The following NALF1 variants were observed in gnomAD, a reference collection of about 807,000 sequenced individuals.
The protein encoded by NALF1 is family with sequence similarity 155 member A.
In NALF1, 3 loss-of-function variants were observed where a neutral mutation model predicts 48.4. The observed-to-expected ratio is 0.06, with a 90% CI of 0.03 to 0.16. The LOEUF is 0.16. NALF1 is among the 10% of genes least tolerant of loss of function. The pLI, the probability that NALF1 is intolerant of heterozygous loss-of-function variation, is 1.00. For synonymous variants in NALF1, 262 were observed against 245.7 expected (o/e 1.07, Z -0.62); for missense variants, 526 against 571.5 (o/e 0.92, Z 0.81).
chr13:107,602,202 C>T (rs1878949225), intron 1 of NALF1, among the ~76,000 whole-genome samples: 1 of 152,112 alleles, frequency 6.6e-6, no homozygotes, highest in Admixed American at 6.6e-5. Flanking sequence ...AGAAGATCTA[C>T]AGATTATTCA....
chr13:107,821,305 G>A (rs1050135750), intron 1 of NALF1, among the ~76,000 whole-genome samples: 5 of 152,160 alleles, frequency 3.3e-5, no homozygotes, highest in African/African-American at 9.7e-5. Context: ...AATTATGCAC[G>A]TACAGCGACT....
intron 1 of NALF1, among the ~76,000 whole-genome samples, chr13:107,797,441 C>T (rs1222935725): frequency 1.3e-5 from 2 of 152,156 alleles, no homozygotes; most frequent in East Asian, 3.9e-4. Context: ...GATCTCCTGA[C>T]CTCATGATCC....
intron 1 of NALF1, among the ~76,000 whole-genome samples, chr13:107,325,885 TATAC>T (rs1351935486): frequency 0.075 from 5,208 of 69,596 alleles, 189 homozygotes; most frequent in Middle Eastern, 0.12. Flanking sequence ...TATATATATA[TATAC>T]ACACACACAC....
rs776171249 is a variant in NALF1, at chr13:107,593,733, G to A, written c.915+271949C>T. ...ATCCTCGAGTAATAATAAAACAACC[G>A]TTTAATGCTATCACTGCATATCTAG... On this transcript the variant is annotated intron_variant, in intron 1 of 2. Coordinates refer to ENST00000375915, the MANE Select transcript of NALF1 (RefSeq NM_001080396.3). 5.6e-4 allele frequency among the ~76,000 whole-genome samples: 85 copies of A among 150,802 alleles called. 1 individual carries two copies. Among genetic ancestry groups the A allele is most frequent in the Admixed American group, 4.3e-3 (65 of 15,078 alleles).
At chr13:107,290,952 T>G (rs1007288528) in intron 1 of NALF1, among the ~76,000 whole-genome samples, 2 of 152,068 alleles carry the variant, frequency 1.3e-5, no homozygotes, top group African/African-American at 4.8e-5. Context: ...AATTGAAGAT[T>G]TAGAGTATCC....
intron 2 of NALF1, among the ~76,000 whole-genome samples, chr13:107,173,821 C>G (rs1056946937): frequency 6.6e-6 from 1 of 152,148 alleles, no homozygotes; most frequent in Non-Finnish European, 1.5e-5. Flanking sequence ...AATGATCGTT[C>G]TTCAGATTTA....
chr13:107,331,052 G>A (rs184387062), intron 1 of NALF1, among the ~76,000 whole-genome samples: 28 of 152,282 alleles, frequency 1.8e-4, no homozygotes, highest in Admixed American at 1.5e-3. Context: ...TATAGATTAG[G>A]ATGGTAAAAG....
At chr13:107,288,272 G>T (rs61965526) in intron 1 of NALF1, among the ~76,000 whole-genome samples, 4,887 of 146,700 alleles carry the variant, frequency 0.033, 76 homozygotes, top group Middle Eastern at 0.056. Flanking sequence ...CAGGCTGGAG[G>T]GCAGTGGCGC....
At chr13:107,322,926 C>A (rs886433193) in intron 1 of NALF1, among the ~76,000 whole-genome samples, 3 of 152,134 alleles carry the variant, frequency 2.0e-5, no homozygotes, top group African/African-American at 7.2e-5. Flanking sequence ...TGGAAGTCTG[C>A]ACACCTTTGA....
intron 1 of NALF1, among the ~76,000 whole-genome samples, chr13:107,290,439 T>C (rs1043088733): frequency 2.0e-5 from 3 of 152,144 alleles, no homozygotes; most frequent in African/African-American, 7.2e-5. Flanking sequence ...AATTGAACCA[T>C]AGGGGCCGTT....
chr13:107,375,307 T>C (rs1211098240), intron 1 of NALF1, among the ~76,000 whole-genome samples: 2 of 152,218 alleles, frequency 1.3e-5, no homozygotes, highest in Non-Finnish European at 2.9e-5. Flanking sequence ...ATATGAAAGC[T>C]TCATTTGACA....
In NALF1 at chr13:107,523,364, A is replaced by AT. The variant is rs549829668; in HGVS notation, c.916-312610dup. ...CTTGTGCACCACTGCACAATAAGAA[A>AT]TTTTTTTTAATTTTATTATTATTAT... is the stretch of plus-strand genomic sequence containing the variant. On this transcript the variant is annotated intron_variant, in intron 1 of 2. Coordinates refer to ENST00000375915, the MANE Select transcript of NALF1 (RefSeq NM_001080396.3). Among the ~76,000 whole-genome samples the AT allele has an allele frequency of 6.1e-4, 93 of 151,926 alleles. 1 individual carries two copies. The highest frequency in any genetic ancestry group is 1.9e-3 in the African/African-American group (79 of 41,482).
At chr13:107,215,753 G>A (rs1879860110) in intron 1 of NALF1, among the ~76,000 whole-genome samples, 1 of 152,128 alleles carries the variant, frequency 6.6e-6, no homozygotes, top group Non-Finnish European at 1.5e-5. Context: ...CTTGTGTGGT[G>A]TCCTCATGTC....
intron 1 of NALF1, among the ~76,000 whole-genome samples, chr13:107,531,557 A>G (rs532968977): frequency 6.6e-6 from 1 of 152,278 alleles, no homozygotes; most frequent in East Asian, 1.9e-4. Flanking sequence ...CAATGCAAGA[A>G]TGGTCTAATA....
At chr13:107,558,257 ATTATT>A (rs1352977260) in intron 1 of NALF1, among the ~76,000 whole-genome samples, 2 of 152,094 alleles carry the variant, frequency 1.3e-5, no homozygotes, top group African/African-American at 4.8e-5. Flanking sequence ...TGTGTTACCA[ATTATT>A]TTATTTGACA....
At chr13:107,250,045 T>C (rs1157435438) in intron 1 of NALF1, among the ~76,000 whole-genome samples, 2 of 151,552 alleles carry the variant, frequency 1.3e-5, no homozygotes, top group Non-Finnish European at 2.9e-5. Flanking sequence ...TTTTAGAGAA[T>C]CTGTTGATTC....
chr13:107,750,777 A>C (rs1876915621), intron 1 of NALF1, among the ~76,000 whole-genome samples: 1 of 152,216 alleles, frequency 6.6e-6, no homozygotes, highest in Non-Finnish European at 1.5e-5. Context: ...TCTTGAAAGA[A>C]ATGTTTTAGC....
chr13:107,166,652 T>A lies in NALF1; in HGVS notation c.*3845A>T, dbSNP rs1878665321. On this transcript the variant is annotated 3_prime_UTR_variant, in exon 3 of 3. Transcript: ENST00000375915. ...CCAATTCAGGTATTTGGCACATGGGTCTGGCATCCAATTGCTTATTTCATT... is the reference window on the plus strand; with the variant it reads ...CCAATTCAGGTATTTGGCACATGGGACTGGCATCCAATTGCTTATTTCATT... The A allele has an allele frequency of 6.6e-6, 1 of 152,186 alleles. No homozygotes were observed. Among genetic ancestry groups the A allele is most frequent in the Non-Finnish European group, 1.5e-5 (1 of 68,028 alleles). 9.4% of individuals were successfully genotyped at this position (152,186 alleles called of 1,614,324 possible). A position where few individuals can be genotyped will look rare whatever the true frequency, so the allele number is the denominator to read the frequency against.
At chr13:107,225,571 C>A (rs910248484) in intron 1 of NALF1, among the ~76,000 whole-genome samples, 2 of 151,108 alleles carry the variant, frequency 1.3e-5, no homozygotes, top group Non-Finnish European at 1.5e-5. Context: ...ACCACAGAAC[C>A]TGGCCTCAGG....
Sources: allele counts gnomAD v4.1 joint callset (sites outside exome capture counted in the v4.1 genomes callset), GRCh38; gene constraint gnomAD v4.1.1; transcripts MANE v1.5; gene names NCBI Gene and HGNC (gene_info 2026-07-23, HGNC 2026-07-21).